TRMT11: variants seen among roughly 807,000 people sequenced by gnomAD.
The protein encoded by TRMT11 is tRNA (guanine(10)-N(2))-methyltransferase TRMT11.
TRMT11 carries 53 observed loss-of-function variants against 62.8 expected under a neutral mutation model. The ratio of observed to expected loss-of-function variants is 0.84; its 90% confidence interval spans 0.68 to 1.06. The LOEUF (loss-of-function observed/expected upper bound fraction) is 1.06, where lower values mean the gene tolerates loss of function less well. Ranked by LOEUF, TRMT11 falls within the 50% of genes least tolerant of loss-of-function variation. The pLI is 0.00. For missense variants in TRMT11, 556 were observed against 553.4 expected (o/e 1.00, Z -0.05); for synonymous variants, 188 against 190.3 (o/e 0.99, Z 0.10).
rs535862641 is a variant in TRMT11, at chr6:126,061,895, A to C, written c.*1437+8705A>C. ...TGCTAGCCTATATCCAGTCTTTTTC[A>C]GTTTTGAGACAGGATCTCCTTCTCT... is the stretch of plus-strand genomic sequence containing the variant. On this transcript the variant is annotated intron_variant and NMD_transcript_variant, in intron 17 of 22. Coordinates refer to the TRMT11 transcript ENST00000648977. Among the ~76,000 whole-genome samples the C allele has an allele frequency of 3.3e-5, 5 of 152,110 alleles. No homozygotes were observed. The East Asian group carries it at 9.7e-4, about 29-fold the overall frequency.
the TRMT11 span, among the ~76,000 whole-genome samples, chr6:126,245,041 A>C: frequency 1.3e-5 from 2 of 152,232 alleles, no homozygotes; most frequent in Non-Finnish European, 2.9e-5. Context: ...TAAAATATTT[A>C]GATAAAGGTT....
rs558439537 is a variant in TRMT11, at chr6:126,091,856, G to C, written c.*1438-21010G>C. 2.0e-5 allele frequency among the ~76,000 whole-genome samples: 3 copies of C among 152,234 alleles called. No homozygotes were observed. The East Asian group carries it at 5.8e-4, about 29-fold the overall frequency. On this transcript the variant is annotated intron_variant and NMD_transcript_variant, in intron 17 of 22. Coordinates refer to the TRMT11 transcript ENST00000648977. Reference sequence around the variant, plus strand: ...TGCTTTCCTTTAGTCTTTTCTGGCCGTAAAATCGCCACATGGAAATTCATT... The same window carrying C: ...TGCTTTCCTTTAGTCTTTTCTGGCCCTAAAATCGCCACATGGAAATTCATT...
intron 17 of TRMT11, among the ~76,000 whole-genome samples, chr6:126,099,189 G>A (rs1045231802): frequency 5.9e-5 from 9 of 152,110 alleles, no homozygotes; most frequent in South Asian, 2.1e-4. Context: ...TTCTTCAAAC[G>A]TGCTGTATTT....
the TRMT11 span, among the ~76,000 whole-genome samples, chr6:126,232,940 T>C: frequency 6.6e-6 from 1 of 152,216 alleles, no homozygotes. Flanking sequence ...ATTTTTTTCT[T>C]TCCATTTGTT....
the TRMT11 span, among the ~76,000 whole-genome samples, chr6:126,224,633 C>A: frequency 2.6e-5 from 4 of 152,180 alleles, no homozygotes; most frequent in African/African-American, 4.8e-5. Context: ...CCAGCAGTGG[C>A]AGAGTCGCAC....
chr6:126,035,065 T>C (rs934757111), intron 12 of TRMT11, among the ~76,000 whole-genome samples: 7 of 152,058 alleles, frequency 4.6e-5, no homozygotes, highest in African/African-American at 1.7e-4. Flanking sequence ...AAAATGAGTT[T>C]GCCATTTTTT....
chr6:126,187,864 T>C (rs1778543920), intron 1 of TRMT11, among the ~76,000 whole-genome samples: 1 of 136,604 alleles, frequency 7.3e-6, no homozygotes, highest in Admixed American at 6.8e-5. Flanking sequence ...CAGTGGGAAA[T>C]TCATTAGAGG....
intron 11 of TRMT11, among the ~76,000 whole-genome samples, chr6:126,014,369 G>A (rs188945321): frequency 4.1e-4 from 63 of 152,220 alleles, no homozygotes; most frequent in Non-Finnish European, 7.2e-4. Context: ...TCCCACCTCA[G>A]CCTTCCGAGT....
At chr6:126,176,731 C>A (rs966047151), upstream of TRMT11, among the ~76,000 whole-genome samples, 1 of 152,080 alleles carries the variant, frequency 6.6e-6, no homozygotes. Flanking sequence ...TTTATTTTCA[C>A]AAATCAGTTT....
intron 16 of TRMT11, among the ~76,000 whole-genome samples, chr6:126,044,886 T>C (rs1776002725): frequency 6.6e-6 from 1 of 151,612 alleles, no homozygotes. Flanking sequence ...GAACTGATTG[T>C]TAAAATGCTG....
chr6:126,131,750 A>G (rs1366313487), intron 21 of TRMT11, among the ~76,000 whole-genome samples: 2 of 152,030 alleles, frequency 1.3e-5, no homozygotes, highest in Non-Finnish European at 2.9e-5. Flanking sequence ...AAATTAATTC[A>G]GATCACAATG....
exon 3 of TRMT11, chr6:126,199,812 A>C (rs1583907638): frequency 6.6e-6 from 1 of 152,182 alleles, no homozygotes; most frequent in African/African-American, 2.4e-5. Context: ...TCTAAGATAG[A>C]ATTTTGGACC....
At chr6:126,236,909 C>T in the TRMT11 span, among the ~76,000 whole-genome samples, 1 of 152,122 alleles carries the variant, frequency 6.6e-6, no homozygotes, top group African/African-American at 2.4e-5. Flanking sequence ...TCCTCAGCTC[C>T]CTGGGCATAA....
At chr6:126,200,919 G>A (rs1358808943) in intron 3 of TRMT11, among the ~76,000 whole-genome samples, 1 of 152,176 alleles carries the variant, frequency 6.6e-6, no homozygotes, top group Non-Finnish European at 1.5e-5. Flanking sequence ...ACTAGGAGAA[G>A]TAGTTCTTTC....
intron 21 of TRMT11, among the ~76,000 whole-genome samples, chr6:126,138,021 A>G (rs1268119234): frequency 6.6e-6 from 1 of 151,984 alleles, no homozygotes; most frequent in Non-Finnish European, 1.5e-5. Flanking sequence ...AGTTAATAGA[A>G]GGAATGTGTT....
the TRMT11 span, among the ~76,000 whole-genome samples, chr6:126,252,573 C>T: frequency 5.3e-5 from 8 of 152,106 alleles, no homozygotes; most frequent in African/African-American, 1.7e-4. Flanking sequence ...GAAGAGTATC[C>T]GCAAATTTCT....
intron 17 of TRMT11, among the ~76,000 whole-genome samples, chr6:126,106,596 G>C (rs376688322): frequency 4.1e-4 from 63 of 152,146 alleles, no homozygotes; most frequent in African/African-American, 1.5e-3. Context: ...AGAGAGACTT[G>C]GGTTTGAATG....
At chr6:126,003,611 T>C (rs1236565500) in intron 7 of TRMT11, among the ~76,000 whole-genome samples, 1 of 152,090 alleles carries the variant, frequency 6.6e-6, no homozygotes, top group East Asian at 1.9e-4. Context: ...TAGTGTTAAT[T>C]TGTATGTCTA....
At chr6:126,267,668 G>T in the TRMT11 span, among the ~76,000 whole-genome samples, 2 of 151,916 alleles carry the variant, frequency 1.3e-5, no homozygotes, top group Admixed American at 6.5e-5. Flanking sequence ...AGGCAGTTTT[G>T]TTTGCTTAAG....
Sources: allele counts gnomAD v4.1 joint callset (sites outside exome capture counted in the v4.1 genomes callset), GRCh38; gene constraint gnomAD v4.1.1; transcripts MANE v1.5; gene names NCBI Gene and HGNC (gene_info 2026-07-23, HGNC 2026-07-21).